TEC: variants seen among roughly 807,000 people sequenced by gnomAD.
TEC encodes tyrosine-protein kinase Tec.
In TEC, 72 loss-of-function variants were observed where a neutral mutation model predicts 93.0. The observed-to-expected ratio is 0.77, with a 90% confidence interval of 0.64 to 0.94. The LOEUF (loss-of-function observed/expected upper bound fraction) is 0.94, where lower values mean the gene tolerates loss of function less well. Ranked by LOEUF, TEC falls within the 40% of genes least tolerant of loss-of-function variation. The pLI, the probability that TEC is intolerant of heterozygous loss-of-function variation, is 0.00. For synonymous variants in TEC, 249 were observed against 247.7 expected (o/e 1.01, Z -0.05); for missense variants, 630 against 757.9 (o/e 0.83, Z 1.98).
chr4:48,208,729 C>G (rs866573174), intron 2 of TEC, among the ~76,000 whole-genome samples: 2 of 152,192 alleles, frequency 1.3e-5, no homozygotes, highest in African/African-American at 4.8e-5. Flanking sequence ...TTACTGGTAT[C>G]TGTACGTTGT....
chr4:48,215,867 A>G (rs1439499744), intron 2 of TEC, among the ~76,000 whole-genome samples: 2 of 152,148 alleles, frequency 1.3e-5, no homozygotes, highest in East Asian at 1.9e-4. Flanking sequence ...ATCCAGAAAT[A>G]TTCGATATGA....
intron 1 of TEC, among the ~76,000 whole-genome samples, chr4:48,239,600 T>G (rs1295727389): frequency 1.3e-5 from 2 of 152,212 alleles, no homozygotes; most frequent in Non-Finnish European, 2.9e-5. Context: ...GATAATCAAA[T>G]GCCAATGTTT....
intron 6 of TEC, 36 bp downstream of exon 6, chr4:48,168,550 G>A: frequency 6.2e-7 from 1 of 1,604,814 alleles, no homozygotes; most frequent in Non-Finnish European, 8.5e-7. Context: ...GGCTTAAAAT[G>A]TAAAGATTAA....
chr4:48,234,153 CAGAA>C (rs1166716336), intron 1 of TEC, among the ~76,000 whole-genome samples: 3 of 152,122 alleles, frequency 2.0e-5, no homozygotes, highest in East Asian at 1.9e-4. Context: ...AAGAAAAACT[CAGAA>C]AGAAAGTGAT....
chr4:48,224,286 G>T (rs1723365542), intron 2 of TEC, among the ~76,000 whole-genome samples: 1 of 152,162 alleles, frequency 6.6e-6, no homozygotes, highest in Non-Finnish European at 1.5e-5. Flanking sequence ...TGATTTCTTA[G>T]CTAATGATAG....
At chr4:48,142,417 G>A (rs1393691175) in intron 14 of TEC, among the ~76,000 whole-genome samples, 1 of 152,086 alleles carries the variant, frequency 6.6e-6, no homozygotes, top group African/African-American at 2.4e-5. Flanking sequence ...AGGTTGCAGT[G>A]AGCAGAGATC....
intron 2 of TEC, among the ~76,000 whole-genome samples, chr4:48,212,240 G>A (rs1317211744): frequency 6.6e-6 from 1 of 151,644 alleles, no homozygotes; most frequent in African/African-American, 2.4e-5. Flanking sequence ...CAGGGGTACA[G>A]TGCGGAAAAA....
intron 1 of TEC, among the ~76,000 whole-genome samples, chr4:48,230,943 T>C (rs1723628768): frequency 6.6e-6 from 1 of 152,254 alleles, no homozygotes; most frequent in African/African-American, 2.4e-5. Flanking sequence ...TCACTCATCA[T>C]AGAGCTAATC....
chr4:48,198,480 A>T (rs773839601), intron 2 of TEC, among the ~76,000 whole-genome samples: 2 of 152,218 alleles, frequency 1.3e-5, no homozygotes, highest in Non-Finnish European at 2.9e-5. Context: ...TGGTACTGGA[A>T]TCCCATTAGC....
At chr4:48,147,599 T>A (rs899230399) in intron 11 of TEC, among the ~76,000 whole-genome samples, 8 of 152,204 alleles carry the variant, frequency 5.3e-5, no homozygotes, top group Admixed American at 5.2e-4. Flanking sequence ...CATAAGTAGA[T>A]GAAGCATGAC....
chr4:48,159,284 A>T (rs543719385), intron 8 of TEC, among the ~76,000 whole-genome samples: 108 of 152,326 alleles, frequency 7.1e-4, no homozygotes, highest in African/African-American at 2.5e-3. Context: ...CAGCATCTGA[A>T]AAAAGGCCTC....
intron 2 of TEC, among the ~76,000 whole-genome samples, chr4:48,179,885 T>C (rs1366935194): frequency 6.6e-6 from 1 of 152,170 alleles, no homozygotes; most frequent in Non-Finnish European, 1.5e-5. Context: ...AGTTAATATT[T>C]GCAAAGTGCT....
intron 2 of TEC, among the ~76,000 whole-genome samples, chr4:48,224,835 C>A (rs1260851825): frequency 6.6e-6 from 1 of 152,198 alleles, no homozygotes; most frequent in Non-Finnish European, 1.5e-5. Flanking sequence ...AGCTTGCTGT[C>A]ATCATGTTGA....
At chr4:48,222,501 C>T (rs1723300376) in intron 2 of TEC, among the ~76,000 whole-genome samples, 1 of 151,500 alleles carries the variant, frequency 6.6e-6, no homozygotes, top group Non-Finnish European at 1.5e-5. Context: ...TTGAATGGGC[C>T]ATGGGGTACC....
chr4:48,147,666 G>T (rs954524579), intron 11 of TEC, among the ~76,000 whole-genome samples: 1 of 152,152 alleles, frequency 6.6e-6, no homozygotes, highest in Non-Finnish European at 1.5e-5. Context: ...AGATAGAGGG[G>T]TTGATCCTGT....
At chr4:48,247,885 A>T (rs543146792) in intron 1 of TEC, among the ~76,000 whole-genome samples, 69 of 152,392 alleles carry the variant, frequency 4.5e-4, no homozygotes, top group African/African-American at 1.6e-3. Flanking sequence ...CAATAAAAGT[A>T]ATTTAAGAAA....
chr4:48,224,914 C>T (rs1367732594), intron 2 of TEC, among the ~76,000 whole-genome samples: 3 of 152,086 alleles, frequency 2.0e-5, no homozygotes, highest in Admixed American at 6.5e-5. Flanking sequence ...AGAGTTTTAA[C>T]GAGTATTAGT....
chr4:48,179,680 A>G (rs6845258), intron 2 of TEC, among the ~76,000 whole-genome samples: 89,269 of 151,502 alleles, frequency 0.59, 26,388 homozygotes, highest in Admixed American at 0.71. Context: ...TGAGCACTAC[A>G]TATAAAAAAG....
At chr4:48,252,389 AT>A (rs998276959) in intron 1 of TEC, among the ~76,000 whole-genome samples, 35 of 150,918 alleles carry the variant, frequency 2.3e-4, no homozygotes, top group African/African-American at 7.3e-4. Context: ...AGTCTGCTTA[AT>A]TTTTTTTTTA....
Sources: gnomAD v4.1 joint callset for allele counts (sites outside exome capture counted in the v4.1 genomes callset) on GRCh38, gnomAD v4.1.1 for gene constraint, MANE v1.5 for transcripts, NCBI Gene and HGNC (gene_info 2026-07-23, HGNC 2026-07-21) for gene names.